SBF2: variants seen among roughly 807,000 people sequenced by gnomAD.
The protein encoded by SBF2 is SET binding factor 2.
Under a neutral mutation model 225.2 loss-of-function variants are expected in SBF2, and 112 were observed. That is an observed-to-expected ratio of 0.50 (90% CI 0.43 to 0.58). The LOEUF (loss-of-function observed/expected upper bound fraction) is 0.58. Among genes scored for constraint, SBF2 ranks in the 20% least tolerant of loss-of-function variants. SBF2 has a pLI of 0.00. For synonymous variants in SBF2, 763 were observed against 773.3 expected (o/e 0.99, Z 0.22); for missense variants, 1,996 against 2,206.2 (o/e 0.90, Z 1.91).
chr11:10,137,119 G>A (rs1954404083), intron 2 of SBF2, among the ~76,000 whole-genome samples: 1 of 152,080 alleles, frequency 6.6e-6, no homozygotes, highest in Admixed American at 6.6e-5. Flanking sequence ...TCCTGTATGT[G>A]TTTTGTTGGA....
chr11:10,148,900 T>C (rs1249119422), intron 2 of SBF2, among the ~76,000 whole-genome samples: 1 of 152,216 alleles, frequency 6.6e-6, no homozygotes, highest in Admixed American at 6.5e-5. Flanking sequence ...TTGTTCTCCA[T>C]GGCTCCTGGC....
rs1956442142 is a variant in SBF2 at position 10,175,925 on chromosome 11, C to T, written c.141+17977G>A. Among the ~76,000 whole-genome samples the T allele has an allele frequency of 2.6e-5, 4 of 151,140 alleles. No individual in the cohort carries two copies. The East Asian group carries it at 5.8e-4, about 22-fold the overall frequency. ...TCCTGAATGACTACTGGGTGCATAA[C>T]GAAATGAAGGCAGAAATAAAGATGT... On this transcript the variant is annotated intron_variant, in intron 2 of 39. Transcript: ENST00000256190.
intron 9 of SBF2, among the ~76,000 whole-genome samples, chr11:9,995,347 T>A (rs1443175452): frequency 6.6e-6 from 1 of 152,168 alleles, no homozygotes; most frequent in Non-Finnish European, 1.5e-5. Flanking sequence ...CATTTTCAAC[T>A]ACTAAGATTT....
chr11:9,813,850 G>A (rs1854320937), intron 29 of SBF2, among the ~76,000 whole-genome samples: 1 of 152,026 alleles, frequency 6.6e-6, no homozygotes, highest in Non-Finnish European at 1.5e-5. Context: ...GCTGAGGCAG[G>A]AGAATCACTT....
intron 2 of SBF2, among the ~76,000 whole-genome samples, chr11:10,091,259 A>G (rs1190127011): frequency 6.6e-6 from 1 of 152,220 alleles, no homozygotes; most frequent in Non-Finnish European, 1.5e-5. Flanking sequence ...TAAGACAAGA[A>G]AGAAACCTCC....
At chr11:10,026,341 T>C (rs1554989381) in intron 6 of SBF2, among the ~76,000 whole-genome samples, 1 of 152,018 alleles carries the variant, frequency 6.6e-6, no homozygotes, top group Non-Finnish European at 1.5e-5. Flanking sequence ...TTTTTTAAAG[T>C]AAAAAAGGTC....
At chr11:9,971,315 T>A (rs957440343) in intron 13 of SBF2, among the ~76,000 whole-genome samples, 2 of 151,956 alleles carry the variant, frequency 1.3e-5, no homozygotes, top group South Asian at 2.1e-4. Flanking sequence ...ATATATATAT[T>A]TTTCTCTATT....
chr11:10,065,271 T>C (rs1006749987), intron 2 of SBF2, among the ~76,000 whole-genome samples: 1 of 152,178 alleles, frequency 6.6e-6, no homozygotes, highest in Non-Finnish European at 1.5e-5. Context: ...TAAAGTAGTA[T>C]GTAAGGGGAA....
chr11:10,067,763 T>A (rs1448753925), intron 2 of SBF2, among the ~76,000 whole-genome samples: 1 of 151,832 alleles, frequency 6.6e-6, no homozygotes, highest in Non-Finnish European at 1.5e-5. Flanking sequence ...AACAAAAACT[T>A]AGCTGTCTGT....
chr11:10,112,354 T>A (rs553656524), intron 2 of SBF2, among the ~76,000 whole-genome samples: 1 of 152,298 alleles, frequency 6.6e-6, no homozygotes, highest in Non-Finnish European at 1.5e-5. Flanking sequence ...ATTCTCGTGA[T>A]AGTGACTGAG....
intron 16 of SBF2, among the ~76,000 whole-genome samples, chr11:9,900,550 C>G (rs1254019722): frequency 1.3e-5 from 2 of 152,182 alleles, no homozygotes; most frequent in Non-Finnish European, 1.5e-5. Context: ...CAGCAGGGGC[C>G]ACGTGCGTCA....
At chr11:10,018,749 G>C (rs747625555) in intron 6 of SBF2, among the ~76,000 whole-genome samples, 1 of 152,096 alleles carries the variant, frequency 6.6e-6, no homozygotes, top group Non-Finnish European at 1.5e-5. Context: ...GACTCAATTG[G>C]TCAATGACTG....
chr11:10,002,973 C>T (rs1948038416), intron 6 of SBF2, among the ~76,000 whole-genome samples: 1 of 152,156 alleles, frequency 6.6e-6, no homozygotes, highest in Non-Finnish European at 1.5e-5. Context: ...TATTTAGGTT[C>T]CTGTTTTAGA....
intron 1 of SBF2, among the ~76,000 whole-genome samples, chr11:10,264,749 G>A (rs1382324808): frequency 2.0e-4 from 10 of 51,220 alleles, no homozygotes; most frequent in East Asian, 8.7e-4. Context: ...CCCACCCCCC[G>A]ACAGGCCCTG....
At chr11:10,044,353 A>G (rs1949773618) in intron 2 of SBF2, among the ~76,000 whole-genome samples, 1 of 152,266 alleles carries the variant, frequency 6.6e-6, no homozygotes, top group Non-Finnish European at 1.5e-5. Flanking sequence ...AAAGGCACAC[A>G]CACAATACCT....
chr11:9,828,663 G>C, intron 28 of SBF2: 1 of 984,476 alleles, frequency 1.0e-6, no homozygotes, highest in Non-Finnish European at 1.2e-6. Context: ...AAGTCTTAAT[G>C]GCTTCATCCA....
intron 16 of SBF2, among the ~76,000 whole-genome samples, chr11:9,903,663 C>A (rs1334112388): frequency 6.6e-6 from 1 of 152,144 alleles, no homozygotes; most frequent in African/African-American, 2.4e-5. Context: ...AGGTCAAGTG[C>A]CATTTTAACC....
intron 1 of SBF2, among the ~76,000 whole-genome samples, chr11:10,247,192 T>C (rs1206050607): frequency 1.3e-5 from 2 of 151,940 alleles, no homozygotes; most frequent in South Asian, 2.1e-4. Context: ...AAAAATGACA[T>C]GGAAAACACA....
chr11:10,101,048 T>TTG (rs917265764), intron 2 of SBF2, among the ~76,000 whole-genome samples: 210 of 152,236 alleles, frequency 1.4e-3, no homozygotes, highest in African/African-American at 4.9e-3. Context: ...TATCGTGTCT[T>TTG]TGTGTGTGTG....
Sources: gnomAD v4.1 joint callset for allele counts (sites outside exome capture counted in the v4.1 genomes callset) on GRCh38, gnomAD v4.1.1 for gene constraint, MANE v1.5 for transcripts, NCBI Gene and HGNC (gene_info 2026-07-23, HGNC 2026-07-21) for gene names.